The following SCAI variants were observed in gnomAD, a reference collection of about 807,000 sequenced individuals.
SCAI encodes the protein suppressor of cancer cell invasion.
Under a neutral mutation model 92.2 loss-of-function variants are expected in SCAI, and 24 were observed. The observed-to-expected ratio is 0.26, with a 90% CI of 0.19 to 0.37. The LOEUF (loss-of-function observed/expected upper bound fraction) is 0.37, where lower values mean the gene tolerates loss of function less well. Among genes scored for constraint, SCAI ranks in the 10% least tolerant of loss-of-function variants. The pLI, the probability that SCAI is intolerant of heterozygous loss-of-function variation, is 1.00. For missense variants in SCAI, 450 were observed against 736.2 expected (o/e 0.61, Z 4.50); for synonymous variants, 261 against 258.6 (o/e 1.01, Z -0.09).
At chr9:125,049,808 T>C (rs768384804) in intron 3 of SCAI, among the ~76,000 whole-genome samples, 1 of 152,196 alleles carries the variant, frequency 6.6e-6, no homozygotes, top group African/African-American at 2.4e-5. Context: ...AAACCTTTCA[T>C]GCACTGAAAT....
chr9:125,081,853 G>A (rs1165205387), intron 2 of SCAI, among the ~76,000 whole-genome samples: 1 of 152,114 alleles, frequency 6.6e-6, no homozygotes, highest in African/African-American at 2.4e-5. Flanking sequence ...ACAGACATGA[G>A]CCACCATGCC....
intron 2 of SCAI, among the ~76,000 whole-genome samples, chr9:125,060,074 T>C (rs1363181389): frequency 1.3e-5 from 2 of 152,156 alleles, no homozygotes; most frequent in African/African-American, 4.8e-5. Flanking sequence ...TCACAAAGAG[T>C]TGAACAAATA....
intron 3 of SCAI, among the ~76,000 whole-genome samples, chr9:125,037,971 T>C (rs964135949): frequency 6.6e-5 from 10 of 151,246 alleles, no homozygotes; most frequent in Non-Finnish European, 1.3e-4. Context: ...AAATAAGAAA[T>C]AACAGGTCAG....
intron 2 of SCAI, among the ~76,000 whole-genome samples, chr9:125,110,778 G>C (rs897553966): frequency 1.3e-5 from 2 of 152,080 alleles, no homozygotes; most frequent in African/African-American, 4.8e-5. Flanking sequence ...CCCAGTCTCA[G>C]TTATTTCTAT....
At chr9:125,024,965 A>G (rs1193375598) in intron 6 of SCAI, among the ~76,000 whole-genome samples, 1 of 152,188 alleles carries the variant, frequency 6.6e-6, no homozygotes, top group Non-Finnish European at 1.5e-5. Context: ...TCTCGACATA[A>G]TCCTTAGCTG....
chr9:124,977,855 A>C (rs892610141), intron 14 of SCAI, among the ~76,000 whole-genome samples: 1 of 152,206 alleles, frequency 6.6e-6, no homozygotes, highest in African/African-American at 2.4e-5. Flanking sequence ...GGAAAAACTG[A>C]ATAGCCATCT....
At chr9:125,133,058 C>T (rs888916297) in intron 2 of SCAI, among the ~76,000 whole-genome samples, 10 of 152,146 alleles carry the variant, frequency 6.6e-5, no homozygotes, top group African/African-American at 2.4e-4. Context: ...AAAGGCAAGC[C>T]ATACATGGGA....
intron 9 of SCAI, among the ~76,000 whole-genome samples, chr9:125,014,320 A>T (rs1037975442): frequency 6.6e-6 from 1 of 152,238 alleles, no homozygotes; most frequent in African/African-American, 2.4e-5. Context: ...CTGATAAGCA[A>T]CTTCAGAAAA....
chr9:124,969,949 G>A (rs975741308), intron 17 of SCAI, among the ~76,000 whole-genome samples: 1 of 152,082 alleles, frequency 6.6e-6, no homozygotes, highest in South Asian at 2.1e-4. Context: ...CGCCTCCTGG[G>A]TTCAGGCAAT....
At chr9:125,114,680 A>T (rs970681122) in intron 2 of SCAI, among the ~76,000 whole-genome samples, 7 of 151,642 alleles carry the variant, frequency 4.6e-5, no homozygotes, top group African/African-American at 1.7e-4. Flanking sequence ...ATCACAGCTC[A>T]CACCAGCCTT....
intron 12 of SCAI, among the ~76,000 whole-genome samples, chr9:125,000,853 C>T (rs1443312292): frequency 6.6e-6 from 1 of 152,056 alleles, no homozygotes; most frequent in Non-Finnish European, 1.5e-5. Flanking sequence ...TGAAGTTAGC[C>T]TTTTCCCACT....
chr9:125,008,929 G>C (rs1832571902), intron 9 of SCAI, among the ~76,000 whole-genome samples: 1 of 152,098 alleles, frequency 6.6e-6, no homozygotes, highest in African/African-American at 2.4e-5. Context: ...ATCAAAGAAA[G>C]TGAGAAAATC....
chr9:125,061,244 CAG>C (rs1037261942), intron 2 of SCAI, among the ~76,000 whole-genome samples: 2 of 152,030 alleles, frequency 1.3e-5, no homozygotes, highest in Non-Finnish European at 2.9e-5. Context: ...TTGTAATGAG[CAG>C]AGATCGCGCG....
At chr9:125,041,215 T>C (rs140574421) in intron 3 of SCAI, among the ~76,000 whole-genome samples, 35 of 152,354 alleles carry the variant, frequency 2.3e-4, no homozygotes, top group Middle Eastern at 3.4e-3. Context: ...AGAAATAGGT[T>C]AACTGTGGAT....
chr9:125,039,385 C>CAAAAAAAAAAAAAAAAAA, intron 3 of SCAI, among the ~76,000 whole-genome samples: 1 of 48,320 alleles, frequency 2.1e-5, no homozygotes, highest in Non-Finnish European at 4.1e-5. Context: ...GACTCCATCT[C>CAAAAAAAAAAAAAAAAAA]AAAAAAAAAA....
chr9:124,979,927 G>A (rs1248717314), intron 14 of SCAI, among the ~76,000 whole-genome samples: 4 of 151,908 alleles, frequency 2.6e-5, no homozygotes, highest in Non-Finnish European at 5.9e-5. Flanking sequence ...GCAGGTGCCT[G>A]TAGTCCCAGC....
chr9:125,101,554 T>C (rs1834678822), intron 2 of SCAI, among the ~76,000 whole-genome samples: 1 of 152,082 alleles, frequency 6.6e-6, no homozygotes, highest in Non-Finnish European at 1.5e-5. Flanking sequence ...GGAGGTCTAT[T>C]AGGAGCTCCA....
At chr9:125,124,605 G>A (rs1476971882) in intron 2 of SCAI, among the ~76,000 whole-genome samples, 2 of 152,166 alleles carry the variant, frequency 1.3e-5, no homozygotes, top group Non-Finnish European at 2.9e-5. Flanking sequence ...CAAATGATTG[G>A]ATGAGGCTCA....
chr9:125,004,777 ATATTTTTTTTTTTTTTTTT>A (rs1395090081), intron 9 of SCAI, among the ~76,000 whole-genome samples: 13 of 10,768 alleles, frequency 1.2e-3, no homozygotes, highest in African/African-American at 4.5e-3. Flanking sequence ...ATATATATAT[ATATTTTTTTTTTTTTTTTT>A]TTTTTTTTTG....
Sources: allele counts gnomAD v4.1 joint callset (sites outside exome capture counted in the v4.1 genomes callset), GRCh38; gene constraint gnomAD v4.1.1; transcripts MANE v1.5; gene names NCBI Gene and HGNC (gene_info 2026-07-23, HGNC 2026-07-21).